ALPL: variants seen among roughly 807,000 people sequenced by gnomAD.
ALPL encodes alkaline phosphatase, tissue-nonspecific isozyme.
A neutral mutation model predicts 51.3 loss-of-function variants in ALPL; 42 were observed. The ratio of observed to expected loss-of-function variants is 0.82; its 90% confidence interval spans 0.64 to 1.06. The LOEUF is 1.06. Ranked by LOEUF, ALPL falls within the 50% of genes least tolerant of loss-of-function variation. The pLI is 0.00. For missense variants in ALPL, 589 were observed against 709.4 expected, an observed-to-expected ratio of 0.83 and a Z score of 1.93; for synonymous variants, 279 against 296.4, an observed-to-expected ratio of 0.94 and a Z score of 0.60.
At chr1:21,538,445 G>T (rs1644138778) in intron 1 of ALPL, among the ~76,000 whole-genome samples, 1 of 152,212 alleles carries the variant, frequency 6.6e-6, no homozygotes, top group Non-Finnish European at 1.5e-5. Flanking sequence ...CTGTCTCTGG[G>T]AACACCCGCG....
At chr1:21,561,299 T>A in intron 4 of ALPL, 87 bp downstream of exon 4, 1 of 1,220,598 alleles carries the variant, frequency 8.2e-7, no homozygotes, top group Non-Finnish European at 1.2e-6. Context: ...AGAGGTCCCC[T>A]GACCCCCTGA....
chr1:21,539,850 G>A (rs1359348053), intron 1 of ALPL, among the ~76,000 whole-genome samples: 1 of 152,030 alleles, frequency 6.6e-6, no homozygotes, highest in African/African-American at 2.4e-5. Context: ...TAGAGACAGG[G>A]TTTCACCGTG....
chr1:21,532,319 G>A (rs1417482848), intron 1 of ALPL, among the ~76,000 whole-genome samples: 1 of 152,090 alleles, frequency 6.6e-6, no homozygotes, highest in African/African-American at 2.4e-5. Context: ...AGCCTCCCGA[G>A]TAGCTGGGAT....
At chr1:21,545,273 GT>G (rs1265447868) in intron 1 of ALPL, among the ~76,000 whole-genome samples, 1 of 150,450 alleles carries the variant, frequency 6.6e-6, no homozygotes, top group African/African-American at 2.5e-5. Flanking sequence ...AGTTTTGGGG[GT>G]TTTTTTGTTT....
intron 4 of ALPL, 141 bp from the exon 5 acceptor site, chr1:21,562,969 C>T: frequency 8.9e-7 from 1 of 1,125,448 alleles, no homozygotes; most frequent in Admixed American, 1.9e-5. Flanking sequence ...TGGGGGGCTT[C>T]AGTGGGCAGT....
intron 1 of ALPL, among the ~76,000 whole-genome samples, chr1:21,544,550 C>T (rs1644229320): frequency 3.9e-5 from 6 of 152,140 alleles, no homozygotes; most frequent in Admixed American, 3.9e-4. Context: ...CAAGAATAGC[C>T]TGGGCAACAT....
At chr1:21,563,970 A>AGGG in intron 5 of ALPL, 71 bp from the exon 6 acceptor site, 1 of 1,527,716 alleles carries the variant, frequency 6.5e-7, no homozygotes, top group Non-Finnish European at 8.8e-7. Context: ...GGGGAGGGGG[A>AGGG]AGGGAGGGAG....
intron 6 of ALPL, among the ~76,000 whole-genome samples, chr1:21,565,660 G>A (rs373710315): frequency 2.0e-5 from 3 of 152,166 alleles, no homozygotes; most frequent in African/African-American, 7.2e-5. Flanking sequence ...AAGCCAGGGA[G>A]TGAGTGAGGA....
At position 21,554,105 on chromosome 1, in the gene ALPL, GGCCAT is replaced by G; in HGVS notation, c.25_29del (p.Ala9TrpfsTer6). On this transcript the variant is annotated frameshift_variant, in exon 2 of 12. Transcript: ENST00000374840. LOFTEE classifies it high-confidence loss of function. ...CCATGATTTCACCATTCTTAGTACTGGCCATTGGCACCTGCCTTACTAACTCCTTA... is the reference window on the plus strand; with the variant it reads ...CCATGATTTCACCATTCTTAGTACTGTGGCACCTGCCTTACTAACTCCTTA... 1.9e-6 allele frequency: 3 copies of G among 1,609,732 alleles called. No homozygotes were observed. Among genetic ancestry groups the G allele is most frequent in the Non-Finnish European group, 2.5e-6 (3 of 1,177,616 alleles).
In ALPL at chr1:21,563,278, G is replaced by T. The variant is rs1397418141; in HGVS notation, c.466G>T (p.Asp156Tyr). The change falls in exon 5 of 12, where the codon GAC (aspartate) becomes TAC (tyrosine). Residue 156 changes from aspartate (D) to tyrosine (Y), a missense_variant. By Grantham distance (160) the Asp-to-Tyr change is radical. Coordinates refer to ENST00000374840, the MANE Select transcript of ALPL (RefSeq NM_000478.6). Reference sequence around the variant, plus strand: ...CACCTCCATCCTGCGCTGGGCCAAGGACGCTGGTGAGTCGGGGGAGCAGTG... The same window carrying T: ...CACCTCCATCCTGCGCTGGGCCAAGTACGCTGGTGAGTCGGGGGAGCAGTG... Reference protein sequence around the residue: ...EVTSILRWAKDAGKSVGIVTT... With the variant: ...EVTSILRWAKYAGKSVGIVTT... The T allele has an allele frequency of 1.1e-5, 17 of 1,608,692 alleles. No individual in the cohort carries two copies. Among genetic ancestry groups the T allele is most frequent in the Non-Finnish European group, 1.4e-5 (17 of 1,176,538 alleles).
intron 2 of ALPL, among the ~76,000 whole-genome samples, chr1:21,554,772 G>A (rs1403534793): frequency 4.0e-5 from 6 of 150,558 alleles, no homozygotes; most frequent in African/African-American, 1.2e-4. Flanking sequence ...TTACAGGCGT[G>A]AGCCACCGCG....
At position 21,563,240 on chromosome 1, in the gene ALPL, A is replaced by G; in HGVS notation, c.428A>G (p.Gln143Arg). 2 of 1,613,752 alleles carry G rather than the reference A, an allele frequency of 1.2e-6. No homozygotes were observed. Among genetic ancestry groups the G allele is most frequent in the Non-Finnish European group, 1.7e-6 (2 of 1,179,930 alleles). ...ATERSRCNTT[Q>R]GNEVTSILRW... The stretch of plus-strand genomic sequence containing the variant: ...GAGCGTTCCCGGTGCAACACCACCC[A>G]GGGGAACGAGGTCACCTCCATCCTG... The change falls in exon 5 of 12, where the codon CAG becomes CGG. Residue 143 changes from glutamine to arginine, a missense_variant. Transcript: ENST00000374840.
At chr1:21,524,160 C>T (rs907444375) in intron 1 of ALPL, among the ~76,000 whole-genome samples, 5 of 152,066 alleles carry the variant, frequency 3.3e-5, no homozygotes, top group African/African-American at 2.4e-5. Context: ...CGTGCCACCA[C>T]ACCTGGCTAA....
In ALPL at chr1:21,526,527, G is replaced by A. The variant is rs115513493; in HGVS notation, c.-105+17010G>A. 2.2e-3 allele frequency among the ~76,000 whole-genome samples: 341 copies of A among 152,236 alleles called. 2 individuals are homozygous for A. Among genetic ancestry groups the A allele is most frequent in the African/African-American group, 7.9e-3 (328 of 41,524 alleles). On this transcript the variant is annotated intron_variant, in intron 1 of 11. Coordinates refer to ENST00000374840, the MANE Select transcript of ALPL (RefSeq NM_000478.6). ...ATCATTCAGTTCTAAGTAATTTTAA[G>A]TTTCTACTATGACTTTTCTTTGATC...
At chr1:21,538,795 C>T (rs1344990437) in intron 1 of ALPL, among the ~76,000 whole-genome samples, 1 of 152,128 alleles carries the variant, frequency 6.6e-6, no homozygotes, top group Non-Finnish European at 1.5e-5. Flanking sequence ...CCCTCCCTGC[C>T]ACTGCAAGCC....
chr1:21,549,649 G>A (rs1292906705), intron 1 of ALPL, among the ~76,000 whole-genome samples: 2 of 151,804 alleles, frequency 1.3e-5, no homozygotes, highest in African/African-American at 4.8e-5. Flanking sequence ...AATTTTTGTA[G>A]AGAGAGTTTC....
chr1:21,554,283 C>G (rs1465842275), intron 2 of ALPL, 141 bp downstream of exon 2: 1 of 795,092 alleles, frequency 1.3e-6, no homozygotes, highest in African/African-American at 1.7e-5. Flanking sequence ...AAACCTCAGC[C>G]CTGCTACTTG....
At chr1:21,540,792 C>G (rs969205076) in intron 1 of ALPL, among the ~76,000 whole-genome samples, 8 of 152,134 alleles carry the variant, frequency 5.3e-5, no homozygotes, top group Non-Finnish European at 1.2e-4. Flanking sequence ...GTGCTCGACC[C>G]ACCCCCACGG....
intron 1 of ALPL, among the ~76,000 whole-genome samples, chr1:21,522,567 T>C (rs2148069363): frequency 6.6e-6 from 1 of 152,206 alleles, no homozygotes; most frequent in African/African-American, 2.4e-5. Flanking sequence ...GGGAACCACC[T>C]CCCCTACCAG....
Sources: allele counts gnomAD v4.1 joint callset (sites outside exome capture counted in the v4.1 genomes callset), GRCh38; gene constraint gnomAD v4.1.1; transcripts MANE v1.5; gene names NCBI Gene and HGNC (gene_info 2026-07-23, HGNC 2026-07-21).